Variants in ACTL8 observed in about 807,000 individuals in gnomAD.
ACTL8 encodes actin like 8, also known as actin-like protein 8.
Under a neutral mutation model 9.3 loss-of-function variants are expected in ACTL8, and 3 were observed. That is an observed-to-expected ratio of 0.32 (90% CI 0.15 to 0.83). ACTL8 has a LOEUF of 0.83. ACTL8 is among the 40% of genes least tolerant of loss of function. The pLI, the probability that ACTL8 is intolerant of heterozygous loss-of-function variation, is 0.57. For missense variants in ACTL8, 381 were observed against 492.2 expected (o/e 0.77, Z 2.14); for synonymous variants, 224 against 205.9 (o/e 1.09, Z -0.75).
chr1:17,795,034 A>G (rs1020713584), intron 1 of ACTL8, among the ~76,000 whole-genome samples: 2 of 152,212 alleles, frequency 1.3e-5, no homozygotes, highest in Admixed American at 1.3e-4. Flanking sequence ...AAACAATCCA[A>G]TAGTTGATTT....
chr1:17,781,636 C>G (rs2102683490), intron 1 of ACTL8, among the ~76,000 whole-genome samples: 1 of 152,276 alleles, frequency 6.6e-6, no homozygotes, highest in East Asian at 1.9e-4. Flanking sequence ...CTACAAAGAT[C>G]CTTATTTCCA....
At chr1:17,781,912 CAGAA>C (rs1189862944) in intron 1 of ACTL8, among the ~76,000 whole-genome samples, 1 of 152,152 alleles carries the variant, frequency 6.6e-6, no homozygotes, top group Non-Finnish European at 1.5e-5. Context: ...GCCACAAACA[CAGAA>C]AGAAGGGGAA....
intron 1 of ACTL8, among the ~76,000 whole-genome samples, chr1:17,777,515 C>T (rs538705518): frequency 6.6e-5 from 10 of 152,186 alleles, no homozygotes; most frequent in Middle Eastern, 6.8e-3. Flanking sequence ...AGGTGTGAGA[C>T]GGGGTGCTCA....
chr1:17,780,325 C>G (rs2066145881), intron 1 of ACTL8, among the ~76,000 whole-genome samples: 1 of 152,160 alleles, frequency 6.6e-6, no homozygotes, highest in African/African-American at 2.4e-5. Flanking sequence ...GGTGGGAGAA[C>G]TGAGGCTCAG....
intron 1 of ACTL8, among the ~76,000 whole-genome samples, chr1:17,777,911 T>C (rs1267049342): frequency 3.3e-5 from 5 of 152,228 alleles, no homozygotes; most frequent in Admixed American, 3.3e-4. Flanking sequence ...GTGGCCAGGC[T>C]TGTCTTGAAC....
chr1:17,770,636 C>G (rs1314308442), intron 1 of ACTL8, among the ~76,000 whole-genome samples: 2 of 152,132 alleles, frequency 1.3e-5, no homozygotes, highest in African/African-American at 4.8e-5. Context: ...AGGGGTCATA[C>G]TGGCCAATGT....
At chr1:17,755,955 G>A (rs1404800375) in intron 1 of ACTL8, among the ~76,000 whole-genome samples, 1 of 150,950 alleles carries the variant, frequency 6.6e-6, no homozygotes, top group East Asian at 1.9e-4. Context: ...GTGGGGGGCT[G>A]TTCCTTGGGG....
At chr1:17,784,735 G>A (rs1375917149) in intron 1 of ACTL8, among the ~76,000 whole-genome samples, 1 of 152,196 alleles carries the variant, frequency 6.6e-6, no homozygotes, top group Non-Finnish European at 1.5e-5. Context: ...AGGTAGAGCA[G>A]ACTGAGGCTC....
Position 17,805,294 on chromosome 1 carries a change from ATCT to A in ACTL8, c.-24-17687_-24-17685del, listed in dbSNP as rs1481098012. On this transcript the variant is annotated intron_variant, in intron 1 of 2. Transcript: ENST00000375406. ...AACAGGAACTCTTTCATCTTCTGTC[ATCT>A]TCTACCCCTCACAAGTCTTGGCTTT... Among the ~76,000 whole-genome samples the A allele has an allele frequency of 2.6e-5, 4 of 151,230 alleles. No individual in the cohort carries two copies. In the East Asian group the frequency reaches 7.7e-4, roughly 29 times the overall value.
chr1:17,788,315 C>G (rs1324979348), intron 1 of ACTL8, among the ~76,000 whole-genome samples: 1 of 152,198 alleles, frequency 6.6e-6, no homozygotes, highest in African/African-American at 2.4e-5. Flanking sequence ...TCCTTTCCAC[C>G]CCCTGCTCCT....
intron 1 of ACTL8, among the ~76,000 whole-genome samples, chr1:17,789,953 C>T (rs1050115239): frequency 6.6e-6 from 1 of 152,248 alleles, no homozygotes; most frequent in Non-Finnish European, 1.5e-5. Flanking sequence ...TTGGCTCATG[C>T]CACTGGCCTG....
At chr1:17,809,784 T>G (rs546611447) in intron 1 of ACTL8, among the ~76,000 whole-genome samples, 39 of 152,170 alleles carry the variant, frequency 2.6e-4, no homozygotes, top group African/African-American at 8.7e-4. Flanking sequence ...TGATTCTACA[T>G]GATGGTGATT....
intron 1 of ACTL8, among the ~76,000 whole-genome samples, chr1:17,804,439 C>T (rs2066343398): frequency 1.3e-5 from 2 of 152,074 alleles, no homozygotes; most frequent in Non-Finnish European, 2.9e-5. Flanking sequence ...GGGGTGAATA[C>T]ATTTCATCTA....
intron 1 of ACTL8, among the ~76,000 whole-genome samples, chr1:17,807,922 C>T (rs555108185): frequency 6.6e-6 from 1 of 152,080 alleles, no homozygotes; most frequent in Non-Finnish European, 1.5e-5. Context: ...CAGCAAACTA[C>T]CATGGCACGT....
intron 1 of ACTL8, among the ~76,000 whole-genome samples, chr1:17,768,289 T>C (rs1211891539): frequency 2.4e-5 from 2 of 83,686 alleles, no homozygotes; most frequent in Non-Finnish European, 6.4e-5. Flanking sequence ...TGGAAATCCA[T>C]GTACCCAGAG....
intron 1 of ACTL8, among the ~76,000 whole-genome samples, chr1:17,789,789 C>T (rs2102687171): frequency 6.6e-6 from 1 of 152,312 alleles, no homozygotes; most frequent in South Asian, 2.1e-4. Flanking sequence ...TTTCCAAGTA[C>T]CTGCTAAATG....
intron 1 of ACTL8, among the ~76,000 whole-genome samples, chr1:17,781,854 C>T (rs1038886664): frequency 1.3e-5 from 2 of 152,116 alleles, no homozygotes; most frequent in African/African-American, 4.8e-5. Flanking sequence ...GACCCATGCT[C>T]CTCCAGGACC....
Position 17,823,162 on chromosome 1 carries a change from A to G in ACTL8, c.154A>G (p.Ser52Gly). The G allele has an allele frequency of 6.2e-7, 1 of 1,614,196 alleles. No individual in the cohort carries two copies. The highest frequency in any genetic ancestry group is 8.5e-7 in the Non-Finnish European group (1 of 1,180,038). The stretch of plus-strand genomic sequence containing the variant: ...CCCCAGCTATGCCCGTAGGCGTGTG[A>G]GCCTGGGCATCGACATTTGCCATCC... ...PGPSYARRRV[S>G]LGIDICHPDT... Residue 52 changes from serine to glycine, a missense_variant, in exon 2 of 3, where the codon AGC becomes GGC. Physicochemically the swap from Ser to Gly is moderately conservative, Grantham distance 56 (BLOSUM62 0). This residue lies in a region of ACTL8 where 125 missense variants were observed against 180.7 expected (regional missense o/e 0.69). Transcript: ENST00000375406. This position sits in a 1 kb window ranked among gnomAD's most constrained non-coding sequence, Gnocchi z 5.3.
At chr1:17,763,418 G>A in intron 1 of ACTL8, among the ~76,000 whole-genome samples, 1 of 152,076 alleles carries the variant, frequency 6.6e-6, no homozygotes, top group East Asian at 1.9e-4. Context: ...GGCATCCCTG[G>A]TTCCCTCTTA....
Sources: allele counts gnomAD v4.1 joint callset (sites outside exome capture counted in the v4.1 genomes callset), GRCh38; gene constraint gnomAD v4.1.1; regional missense constraint gnomAD v4.1.1; non-coding constraint Gnocchi (gnomAD v3.1); transcripts MANE v1.5; gene names NCBI Gene and HGNC (gene_info 2026-07-23, HGNC 2026-07-21).